The following KCTD19 variants were observed in gnomAD, a reference collection of about 807,000 sequenced individuals.
KCTD19 encodes the protein potassium channel tetramerization domain containing 19.
In KCTD19, 67 loss-of-function variants were observed where a neutral mutation model predicts 103.5. The observed-to-expected ratio is 0.65, with a 90% CI of 0.53 to 0.79. The LOEUF is 0.79. Among genes scored for constraint, KCTD19 ranks in the 30% least tolerant of loss-of-function variants. The pLI is 0.00. For synonymous variants in KCTD19, 439 were observed against 452.2 expected (o/e 0.97, Z 0.37); for missense variants, 980 against 1,136.1 (o/e 0.86, Z 1.98).
At chr16:67,299,094 C>G (rs1057367854) in intron 6 of KCTD19, among the ~76,000 whole-genome samples, 1 of 152,252 alleles carries the variant, frequency 6.6e-6, no homozygotes, top group Non-Finnish European at 1.5e-5. Flanking sequence ...AGGGCTAGAA[C>G]CAGGGAAATG....
At chr16:67,309,005 A>G (rs1013643705) in intron 2 of KCTD19, among the ~76,000 whole-genome samples, 7 of 151,784 alleles carry the variant, frequency 4.6e-5, no homozygotes, top group African/African-American at 1.7e-4. Context: ...TTGGTGGTGC[A>G]TGCCTGTAGT....
chr16:67,297,382 G>T, intron 7 of KCTD19, 121 bp downstream of exon 7: 1 of 991,082 alleles, frequency 1.0e-6, no homozygotes, highest in Non-Finnish European at 1.5e-6. Context: ...CCAAAATATT[G>T]GCCTGGCTTT....
intron 11 of KCTD19, 45 bp downstream of exon 11, chr16:67,294,535 A>G (rs931431558): frequency 3.0e-6 from 4 of 1,326,008 alleles, no homozygotes; most frequent in Admixed American, 1.7e-5. Context: ...GCCCGGTGGT[A>G]GTGGTTTTTG....
intron 2 of KCTD19, among the ~76,000 whole-genome samples, chr16:67,310,349 C>T (rs2036936810): frequency 6.6e-6 from 1 of 152,212 alleles, no homozygotes. Context: ...ATGAAGAACA[C>T]TCCAGAGAGC....
chr16:67,322,814 GATAAAGAACTTGTTTTTAGAATAT>G (rs2037090282), intron 1 of KCTD19, among the ~76,000 whole-genome samples: 1 of 152,130 alleles, frequency 6.6e-6, no homozygotes, highest in African/African-American at 2.4e-5. Context: ...TCATTTGTCT[GATAAAGAACTTGTTTTTAGAATAT>G]ATAAAGAACT....
intron 2 of KCTD19, among the ~76,000 whole-genome samples, chr16:67,307,663 T>C (rs2036908783): frequency 6.6e-6 from 1 of 152,082 alleles, no homozygotes; most frequent in Non-Finnish European, 1.5e-5. Context: ...GGCTTTGCCA[T>C]GTTGCCCAGG....
chr16:67,295,461 C>A (rs976810250), intron 8 of KCTD19, 56 bp from the exon 9 acceptor site: 8 of 1,537,928 alleles, frequency 5.2e-6, no homozygotes, highest in Non-Finnish European at 6.2e-6. Context: ...TGCGAAGGGG[C>A]AGGTCAATCT....
chr16:67,291,798 T>G lies in KCTD19; in HGVS notation c.2258A>C (p.Glu753Ala), dbSNP rs530127622. 13 of 1,613,206 alleles carry G rather than the reference T, an allele frequency of 8.1e-6. No homozygotes were observed. The East Asian group carries it at 2.9e-4, about 36-fold the overall frequency. Residue 753 changes from glutamate (E) to alanine (A), a missense_variant, in exon 13 of 16, where the codon GAG becomes GCG. Physicochemically the swap from Glu to Ala is moderately radical, Grantham distance 107 (BLOSUM62 -1). Coordinates refer to ENST00000304372, the MANE Select transcript of KCTD19 (RefSeq NM_001100915.3). Reference sequence around the variant, plus strand: ...GAGGATAACCCCTAGGCTGTCCACCTCACTGGCCTCGGGCAGAGGCTGCTC... The same window carrying G: ...GAGGATAACCCCTAGGCTGTCCACCGCACTGGCCTCGGGCAGAGGCTGCTC... The part of the protein sequence containing the change: ...APEQPLPEAS[E>A]VDSLGVILKV...
At chr16:67,313,111 ATT>A (rs59772510) in intron 2 of KCTD19, among the ~76,000 whole-genome samples, 60 of 144,122 alleles carry the variant, frequency 4.2e-4, no homozygotes, top group African/African-American at 1.1e-3. Flanking sequence ...TGAAATTAGA[ATT>A]TTTTTTTTTT....
intron 2 of KCTD19, among the ~76,000 whole-genome samples, chr16:67,310,029 G>T (rs8062484): frequency 0.22 from 32,944 of 152,096 alleles, 7,149 homozygotes; most frequent in African/African-American, 0.56. Context: ...CCAGGCCCAG[G>T]CATCGGCCTT....
chr16:67,292,236 C>T (rs2036707670), intron 12 of KCTD19, among the ~76,000 whole-genome samples: 1 of 152,150 alleles, frequency 6.6e-6, no homozygotes, highest in African/African-American at 2.4e-5. Flanking sequence ...CCTCAGAGCC[C>T]AAGCAGGAAG....
intron 2 of KCTD19, among the ~76,000 whole-genome samples, chr16:67,319,246 A>T (rs2037046042): frequency 6.6e-6 from 1 of 152,100 alleles, no homozygotes; most frequent in Non-Finnish European, 1.5e-5. Context: ...AAAAAAGAAA[A>T]TTTCTGATTT....
intron 8 of KCTD19, 172 bp downstream of exon 8, chr16:67,295,986 GC>G (rs1486253088): frequency 3.6e-5 from 21 of 584,264 alleles, no homozygotes; most frequent in Admixed American, 1.0e-4. Flanking sequence ...CTCGTGATCT[GC>G]CCACCTCAGC....
chr16:67,310,312 C>A (rs1228376290), intron 2 of KCTD19, among the ~76,000 whole-genome samples: 1 of 152,180 alleles, frequency 6.6e-6, no homozygotes, highest in Non-Finnish European at 1.5e-5. Flanking sequence ...GTCTCAATAC[C>A]TTTTTGTTCA....
intron 8 of KCTD19, 118 bp downstream of exon 8, chr16:67,296,041 C>T (rs1048716555): frequency 4.3e-6 from 3 of 700,148 alleles, no homozygotes; most frequent in Middle Eastern, 3.6e-4. Flanking sequence ...CCGTGCCTGG[C>T]GGGAAAGCCT....
Position 67,299,593 on chromosome 16 carries a change from G to T in KCTD19, c.776-20C>A. 1 of 1,600,586 alleles carries T rather than the reference G, an allele frequency of 6.2e-7. No individual in the cohort carries two copies. The highest frequency in any genetic ancestry group is 2.2e-5 in the East Asian group (1 of 44,796). On this transcript the variant is annotated intron_variant, in intron 5 of 15. Transcript: ENST00000304372. ...AGCCACCTGTGTCAGAGAGAAAGGG[G>T]TGACTCCTAGGCCCCCCATGGTCAT...
rs866469515 is a variant in KCTD19 at position 67,293,331 on chromosome 16, C to T, written c.2218+213G>A. Among the ~76,000 whole-genome samples, 14 of 152,204 alleles carry T rather than the reference C, an allele frequency of 9.2e-5. No homozygotes were observed. The highest frequency in any genetic ancestry group is 3.1e-4 in the African/African-American group (13 of 41,458). ...CTGCTTCATAGGCACCTCCTTCCCA[C>T]AGCACTCATCCCTTCGCCGTGTGTG... is the stretch of plus-strand genomic sequence containing the variant. On this transcript the variant is annotated intron_variant, in intron 12 of 15. Coordinates refer to ENST00000304372, the MANE Select transcript of KCTD19 (RefSeq NM_001100915.3). The surrounding 1 kb of genome is among the most constrained non-coding windows in gnomAD (Gnocchi z 4.0).
chr16:67,315,750 A>G (rs2037006479), intron 2 of KCTD19, among the ~76,000 whole-genome samples: 1 of 151,848 alleles, frequency 6.6e-6, no homozygotes, highest in Admixed American at 6.6e-5. Context: ...AAGTGCTGGG[A>G]TTACAGGTGT....
At position 67,291,363 on chromosome 16, in the gene KCTD19, T is replaced by C. The variant is rs2036691710; in HGVS notation, c.2511A>G (p.Gln837=). The C allele has an allele frequency of 6.2e-7, 1 of 1,614,084 alleles. No individual in the cohort carries two copies. Residue 837 remains glutamine (Q), a synonymous_variant, in exon 14 of 16, where the codon CAA becomes CAG. Transcript: ENST00000304372. ...TGGCTGTGATGGCTTTGGGGTCCTT[T>C]TGCCTGATGGAATCCATGATGATGT... ...LADIIMDSIR[Q]KDPKAITAKV...
Sources: allele counts gnomAD v4.1 joint callset (sites outside exome capture counted in the v4.1 genomes callset), GRCh38; gene constraint gnomAD v4.1.1; non-coding constraint Gnocchi (gnomAD v3.1); transcripts MANE v1.5; gene names NCBI Gene and HGNC (gene_info 2026-07-23, HGNC 2026-07-21).